Variants in PNLDC1 observed in about 807,000 individuals in gnomAD.
PNLDC1 encodes the protein PARN like ribonuclease domain containing exonuclease 1, also known as poly(A)-specific ribonuclease PNLDC1.
PNLDC1 carries 70 observed loss-of-function variants against 82.0 expected under a neutral mutation model. The ratio of observed to expected loss-of-function variants is 0.85; its 90% CI spans 0.70 to 1.04. The LOEUF (loss-of-function observed/expected upper bound fraction) is 1.04, where lower values mean the gene tolerates loss of function less well. Ranked by LOEUF, PNLDC1 falls within the 50% of genes least tolerant of loss-of-function variation. The pLI is 0.00. For missense variants in PNLDC1, 631 were observed against 661.1 expected (o/e 0.95, Z 0.50); for synonymous variants, 280 against 249.3 (o/e 1.12, Z -1.16).
rs1781387025 is a variant in PNLDC1, at chr6:159,804,741, T to C, written c.461+104T>C. On this transcript the variant is annotated intron_variant, in intron 6 of 18. Transcript: ENST00000392167. ...CCAGGAGTGTGGTGACCTCCATCCA[T>C]GCTTGGCGGGGATGGCTTCAGCTGC... 8.9e-6 allele frequency: 7 copies of C among 784,042 alleles called. No homozygotes were observed. The South Asian group carries it at 1.2e-4, about 14-fold the overall frequency. 48.6% of individuals were successfully genotyped at this position (784,042 alleles called of 1,614,324 possible). A position where few individuals can be genotyped will look rare whatever the true frequency, so the allele number is the denominator to read the frequency against.
At chr6:159,805,820 T>C (rs965803176) in intron 6 of PNLDC1, 163 bp from the exon 7 acceptor site, 2 of 613,612 alleles carry the variant, frequency 3.3e-6, no homozygotes, top group Non-Finnish European at 5.9e-6. Flanking sequence ...GGCTTCCTAT[T>C]GCATAAGAGC....
At chr6:159,809,278 G>T (rs1203072686) in intron 9 of PNLDC1, 120 bp downstream of exon 9, 3 of 1,327,442 alleles carry the variant, frequency 2.3e-6, no homozygotes, top group Non-Finnish European at 3.1e-6. Flanking sequence ...TCCTTCTCAT[G>T]AATTTTTTCA....
At chr6:159,800,255 A>G, upstream of PNLDC1, 1 of 794,406 alleles carries the variant, frequency 1.3e-6, no homozygotes, top group Non-Finnish European at 1.6e-6. Flanking sequence ...GCGCGTGGGC[A>G]GCACGTGGGC....
intron 7 of PNLDC1, among the ~76,000 whole-genome samples, chr6:159,806,507 G>A (rs1227619030): frequency 6.6e-6 from 1 of 152,136 alleles, no homozygotes; most frequent in Non-Finnish European, 1.5e-5. Context: ...GATATGTGAG[G>A]TCAAAACGGT....
At chr6:159,803,639 T>C (rs1342936931) in intron 4 of PNLDC1, among the ~76,000 whole-genome samples, 3 of 152,170 alleles carry the variant, frequency 2.0e-5, no homozygotes, top group Non-Finnish European at 2.9e-5. Context: ...CCTGACACAG[T>C]AGGCAGAAAG....
intron 7 of PNLDC1, among the ~76,000 whole-genome samples, chr6:159,808,113 C>T (rs150584520): frequency 0.011 from 1,618 of 152,130 alleles, 28 homozygotes; most frequent in African/African-American, 0.037. Context: ...AGGGTTTCAC[C>T]GTGTTGGCCA....
chr6:159,802,137 G>A (rs1468032374), intron 3 of PNLDC1, among the ~76,000 whole-genome samples: 3 of 152,232 alleles, frequency 2.0e-5, no homozygotes. Flanking sequence ...GCGTAATGCT[G>A]TTTCTTTTAC....
chr6:159,820,630 C>CT lies in PNLDC1; in HGVS notation c.*114dup. The CT allele has an allele frequency of 9.8e-7, 1 of 1,019,924 alleles. No individual in the cohort carries two copies. The highest frequency in any genetic ancestry group is 1.5e-6 in the Non-Finnish European group (1 of 656,672). 63.2% of individuals were successfully genotyped at this position (1,019,924 alleles called of 1,614,324 possible). ...TGCAGATGGATCTGTTTGGTCTTTT[C>CT]TAGAAATTCTGTTATGTCCTGAACG... On this transcript the variant is annotated 3_prime_UTR_variant, in exon 19 of 19. Transcript: ENST00000392167.
At chr6:159,811,637 A>G (rs1341098788) in intron 10 of PNLDC1, 64 bp from the exon 11 acceptor site, 9 of 1,325,332 alleles carry the variant, frequency 6.8e-6, no homozygotes, top group Non-Finnish European at 9.8e-6. Flanking sequence ...AGGTTCAAGA[A>G]TGTTCCTTCC....
chr6:159,816,505 T>G (rs200456917), intron 13 of PNLDC1, 38 bp from the exon 14 acceptor site: 3 of 1,604,312 alleles, frequency 1.9e-6, no homozygotes, highest in Non-Finnish European at 2.6e-6. Context: ...TTCTAATGAC[T>G]GCTCAATTCT....
At chr6:159,803,861 G>C (rs1184690116) in intron 4 of PNLDC1, 104 bp from the exon 5 acceptor site, 12 of 1,296,494 alleles carry the variant, frequency 9.3e-6, no homozygotes, top group Admixed American at 2.3e-5. Flanking sequence ...GGCACACTCA[G>C]ATTCTTCTTG....
rs771754134 is a variant in PNLDC1, at chr6:159,819,269, G to GA, written c.1451dup (p.Glu485GlyfsTer73). On this transcript the variant is annotated frameshift_variant, in exon 18 of 19. Transcript: ENST00000392167. LOFTEE classifies it high-confidence loss of function. This position sits in a 1 kb window ranked among gnomAD's most constrained non-coding sequence, Gnocchi z 4.6. Reference sequence around the variant, plus strand: ...GTTTTGGCAGTGCGCGGAACATCCTGAAGGAGTACCGGGACCACCCGACCC... The same window carrying GA: ...GTTTTGGCAGTGCGCGGAACATCCTGAAAGGAGTACCGGGACCACCCGACCC... 6.2e-7 allele frequency: 1 copy of GA among 1,613,876 alleles called. No individual in the cohort carries two copies. The highest frequency in any genetic ancestry group is 8.5e-7 in the Non-Finnish European group (1 of 1,180,020).
Position 159,808,999 on chromosome 6 carries a change from TG to T in PNLDC1, c.640-15del. On this transcript the variant is annotated splice_polypyrimidine_tract_variant and intron_variant, in intron 8 of 18. Transcript: ENST00000392167. The stretch of plus-strand genomic sequence containing the variant: ...CTAGTAACCCAGGATTCAGGGAATT[TG>T]TCCCTGCTTTTCAGGTGGTAGTGAA... 6.2e-7 allele frequency: 1 copy of T among 1,610,318 alleles called. No individual in the cohort carries two copies. Among genetic ancestry groups the T allele is most frequent in the South Asian group, 1.1e-5 (1 of 90,508 alleles).
intron 13 of PNLDC1, 85 bp downstream of exon 13, chr6:159,816,118 C>A: frequency 2.6e-6 from 3 of 1,162,334 alleles, no homozygotes; most frequent in South Asian, 1.4e-5. Context: ...CCTGGTTCCC[C>A]CACACCCCTC....
At chr6:159,807,448 G>A (rs1488080896) in intron 7 of PNLDC1, among the ~76,000 whole-genome samples, 1 of 152,054 alleles carries the variant, frequency 6.6e-6, no homozygotes, top group Non-Finnish European at 1.5e-5. Flanking sequence ...GTATTTCCTA[G>A]TGATAAAATT....
chr6:159,805,143 G>A (rs528150045), intron 6 of PNLDC1, among the ~76,000 whole-genome samples: 1 of 152,276 alleles, frequency 6.6e-6, no homozygotes, highest in East Asian at 1.9e-4. Context: ...CCTAGGCCGG[G>A]ACCTCTGCCT....
chr6:159,812,519 G>T (rs1781678741), intron 11 of PNLDC1, among the ~76,000 whole-genome samples: 1 of 152,182 alleles, frequency 6.6e-6, no homozygotes, highest in African/African-American at 2.4e-5. Context: ...GAGCCCTCCA[G>T]TCATGGGTTC....
chr6:159,817,354 C>T (rs1484511197), intron 15 of PNLDC1, among the ~76,000 whole-genome samples: 2 of 152,228 alleles, frequency 1.3e-5, no homozygotes, highest in Admixed American at 6.5e-5. Flanking sequence ...TCCTACCACC[C>T]CTGTGCCTGC....
Position 159,818,948 on chromosome 6 carries a change from T to C in PNLDC1, c.1260T>C (p.Asn420=). 6.2e-7 allele frequency: 1 copy of C among 1,613,546 alleles called. No individual in the cohort carries two copies. ...CTTGTGTTCTGCATGTTTTCTAGAA[T>C]TTTTCTGGTCCAGATTATCCCAGTA... ...NLIRAGVPKI[N]FSGPDYPSIR... The change falls in exon 17 of 19, where the codon AAT becomes AAC. Residue 420 remains asparagine, a splice_region_variant and synonymous_variant. Coordinates refer to ENST00000392167, the MANE Select transcript of PNLDC1 (RefSeq NM_001271862.2).
Sources: allele counts gnomAD v4.1 joint callset (sites outside exome capture counted in the v4.1 genomes callset), GRCh38; gene constraint gnomAD v4.1.1; non-coding constraint Gnocchi (gnomAD v3.1); transcripts MANE v1.5; gene names NCBI Gene and HGNC (gene_info 2026-07-23, HGNC 2026-07-21).